The following CELSR1 variants were observed in gnomAD, a reference collection of about 807,000 sequenced individuals.
CELSR1 encodes the protein adhesion G protein-coupled receptor C1.
Under a neutral mutation model 249.1 loss-of-function variants are expected in CELSR1, and 110 were observed. The observed-to-expected ratio is 0.44, with a 90% CI of 0.38 to 0.52. The LOEUF (loss-of-function observed/expected upper bound fraction) is 0.52, where lower values mean the gene tolerates loss of function less well. Ranked by LOEUF, CELSR1 falls within the 20% of genes least tolerant of loss-of-function variation. The probability of loss-of-function intolerance (pLI) is 0.00; values close to 1 mark genes in which losing one functional copy is unlikely to be tolerated. For missense variants in CELSR1, 4,109 were observed against 4,296.4 expected (o/e 0.96, Z 1.22); for synonymous variants, 2,113 against 1,900.0 (o/e 1.11, Z -2.92).
At position 46,380,817 on chromosome 22, in the gene CELSR1, A is replaced by G. The variant is rs1482453909; in HGVS notation, c.7227T>C (p.Pro2409=). The change falls in exon 22 of 35, where the codon CCT becomes CCC. Residue 2409 remains proline (P), a synonymous_variant. Transcript: ENST00000674500. This position sits in a 1 kb window ranked among gnomAD's most constrained non-coding sequence, Gnocchi z 5.1. ...GGGAGTGGTTCCAGAACACGCAGAC[A>G]GGCTTGGTTCGCTCCTCCACCTCCA... ...ALLEVEERTK[P]VCVFWNHSLA... is the part of the protein sequence containing the mutation. 1.2e-6 allele frequency: 2 copies of G among 1,611,982 alleles called. No individual in the cohort carries two copies. The highest frequency in any genetic ancestry group is 2.2e-5 in the East Asian group (1 of 44,880).
At chr22:46,450,554 T>C (rs1156797986) in intron 2 of CELSR1, among the ~76,000 whole-genome samples, 3 of 152,224 alleles carry the variant, frequency 2.0e-5, no homozygotes, top group Non-Finnish European at 4.4e-5. Flanking sequence ...GGGCAGTTAC[T>C]TGTGCTGGGT....
Position 46,534,304 on chromosome 22 carries a change from A to G in CELSR1, c.2867T>C (p.Leu956Pro). The G allele has an allele frequency of 6.2e-7, 1 of 1,613,178 alleles. No homozygotes were observed. The highest frequency in any genetic ancestry group is 8.5e-7 in the Non-Finnish European group (1 of 1,180,010). ...GTACACGGCCACATTCTCCCGGTCC[A>G]GCCGGCGCTGGGTGCGAATCACACC... ...TSGVIRTQRR[L>P]DRENVAVYNL... Residue 956 changes from leucine (L) to proline (P), a missense_variant, in exon 1 of 35, where the codon CTG (leucine) becomes CCG (proline). By Grantham distance (98) the Leu-to-Pro change is moderately conservative (BLOSUM62 -3). Coordinates refer to ENST00000674500, the MANE Select transcript of CELSR1 (RefSeq NM_001378328.1). This position sits in a 1 kb window ranked among gnomAD's most constrained non-coding sequence, Gnocchi z 9.7.
At chr22:46,469,136 G>A (rs1041254532) in intron 1 of CELSR1, among the ~76,000 whole-genome samples, 22 of 152,126 alleles carry the variant, frequency 1.4e-4, no homozygotes, top group African/African-American at 5.1e-4. Flanking sequence ...TTGGCCATGT[G>A]CTGAACACCC....
intron 24 of CELSR1, among the ~76,000 whole-genome samples, chr22:46,373,965 G>A (rs1253799991): frequency 6.6e-6 from 1 of 152,208 alleles, no homozygotes; most frequent in Non-Finnish European, 1.5e-5. Context: ...CCCTAAGGGT[G>A]CCCCTGCTGA....
At chr22:46,435,099 C>T (rs1436757727) in intron 4 of CELSR1, among the ~76,000 whole-genome samples, 1 of 151,714 alleles carries the variant, frequency 6.6e-6, no homozygotes, top group Non-Finnish European at 1.5e-5. Flanking sequence ...ACTGGAATAA[C>T]ATGTTTAATG....
At chr22:46,521,971 C>G (rs1320265863) in intron 1 of CELSR1, among the ~76,000 whole-genome samples, 2 of 152,210 alleles carry the variant, frequency 1.3e-5, no homozygotes, top group Non-Finnish European at 2.9e-5. Flanking sequence ...ACCAACAGGG[C>G]AAAAGGGTTC....
rs1292266895 is a variant in CELSR1 at position 46,527,272 on chromosome 22, C to G, written c.3544+6355G>C. The stretch of plus-strand genomic sequence containing the variant: ...TGGCAAAGCCCTCCTCAGCCACCCC[C>G]ATGCTGGAGCAAGCATGATGTCCCC... On this transcript the variant is annotated intron_variant, in intron 1 of 34. Coordinates refer to ENST00000674500, the MANE Select transcript of CELSR1 (RefSeq NM_001378328.1). This position sits in a 1 kb window ranked among gnomAD's most constrained non-coding sequence, Gnocchi z 5.5. 6.6e-6 allele frequency among the ~76,000 whole-genome samples: 1 copy of G among 152,192 alleles called. No individual in the cohort carries two copies. The highest frequency in any genetic ancestry group is 1.5e-5 in the Non-Finnish European group (1 of 68,036).
intron 1 of CELSR1, among the ~76,000 whole-genome samples, chr22:46,486,265 A>G (rs1171294929): frequency 6.6e-6 from 1 of 150,914 alleles, no homozygotes; most frequent in African/African-American, 2.4e-5. Context: ...GTCATGCATC[A>G]AGGCCGGGCA....
At chr22:46,467,664 T>C (rs890548621) in intron 1 of CELSR1, among the ~76,000 whole-genome samples, 1 of 151,568 alleles carries the variant, frequency 6.6e-6, no homozygotes, top group Non-Finnish European at 1.5e-5. Context: ...CTACTAACAA[T>C]ACAAAAAATT....
At position 46,367,224 on chromosome 22, in the gene CELSR1, T is replaced by TC. The variant is rs1433451872; in HGVS notation, c.8080-107dup. The stretch of plus-strand genomic sequence containing the variant: ...TACAGCCTTGAGTGCACACAACATG[T>TC]CCGGCCACACGGCCCAGGACACGGC... On this transcript the variant is annotated intron_variant, in intron 28 of 34. Coordinates refer to ENST00000674500, the MANE Select transcript of CELSR1 (RefSeq NM_001378328.1). 14 of 1,424,338 alleles carry TC rather than the reference T, an allele frequency of 9.8e-6. No individual in the cohort carries two copies. The African/African-American group carries it at 2.0e-4, about 20-fold the overall frequency. 88.2% of individuals were successfully genotyped at this position (1,424,338 alleles called of 1,614,324 possible). A position where few individuals can be genotyped will look rare whatever the true frequency, so the allele number is the denominator to read the frequency against.
chr22:46,363,925 C>T lies in CELSR1; in HGVS notation c.9035+71G>A, dbSNP rs1602015882. 2.1e-6 allele frequency: 3 copies of T among 1,462,990 alleles called. No individual in the cohort carries two copies. Among genetic ancestry groups the T allele is most frequent in the African/African-American group, 1.4e-5 (1 of 69,726 alleles). The allele number at this position is 1,462,990 out of a possible 1,614,324, so 90.6% of individuals were successfully genotyped here. On this transcript the variant is annotated intron_variant, in intron 34 of 34. Transcript: ENST00000674500. This position sits in a 1 kb window ranked among gnomAD's most constrained non-coding sequence, Gnocchi z 4.3. ...GTGGGTGTCAGGTCCCTGACCACTG[C>T]CCCCTCTCTCTCCTGACTCAGGACA... is the stretch of plus-strand genomic sequence containing the variant.
At chr22:46,378,532 G>A in intron 23 of CELSR1, 59 bp downstream of exon 23, 2 of 1,520,628 alleles carry the variant, frequency 1.3e-6, no homozygotes, top group South Asian at 2.4e-5. Flanking sequence ...AGGTTTGGGG[G>A]GGAGGGGCAG....
intron 2 of CELSR1, among the ~76,000 whole-genome samples, chr22:46,459,378 C>T (rs73888508): frequency 0.048 from 7,289 of 152,282 alleles, 555 homozygotes; most frequent in African/African-American, 0.16. Flanking sequence ...AAAGCCCCTC[C>T]GGGGCCACTG....
Position 46,489,760 on chromosome 22 carries a change from T to G in CELSR1, c.3545-25415A>C, listed in dbSNP as rs540194842. ...AAACCCCATCTCTAGCGGGGCGTGGTGGTGCACATCTGTAATCCCAGCTAC... is the reference window on the plus strand; with the variant it reads ...AAACCCCATCTCTAGCGGGGCGTGGGGGTGCACATCTGTAATCCCAGCTAC... On this transcript the variant is annotated intron_variant, in intron 1 of 34. Transcript: ENST00000674500. Among the ~76,000 whole-genome samples, 89 of 151,940 alleles carry G rather than the reference T, an allele frequency of 5.9e-4. No homozygotes were observed. In the South Asian group the frequency reaches 0.017, roughly 29 times the overall value.
chr22:46,469,070 T>C (rs1188241541), intron 1 of CELSR1, among the ~76,000 whole-genome samples: 8 of 152,110 alleles, frequency 5.3e-5, no homozygotes, highest in Non-Finnish European at 1.2e-4. Flanking sequence ...AGAGAGGCTC[T>C]GTCTCCCCTT....
chr22:46,380,000 C>T (rs922089154), intron 22 of CELSR1, among the ~76,000 whole-genome samples: 2 of 152,168 alleles, frequency 1.3e-5, no homozygotes, highest in African/African-American at 4.8e-5. Context: ...AAGGCAAGCT[C>T]CCTGTAACGA....
At position 46,437,514 on chromosome 22, in the gene CELSR1, G is replaced by C. The variant is rs1250118042; in HGVS notation, c.4407-1225C>G. On this transcript the variant is annotated intron_variant, in intron 3 of 34. Coordinates refer to ENST00000674500, the MANE Select transcript of CELSR1 (RefSeq NM_001378328.1). The surrounding 1 kb of genome is among the most constrained non-coding windows in gnomAD (Gnocchi z 4.9). Reference sequence around the variant, plus strand: ...CTCACGCCTGTAATCCCAGCACTTTGGGAGGCCGAGGTGGGTGGATCACCT... The same window carrying C: ...CTCACGCCTGTAATCCCAGCACTTTCGGAGGCCGAGGTGGGTGGATCACCT... Among the ~76,000 whole-genome samples, 1 of 152,166 alleles carries C rather than the reference G, an allele frequency of 6.6e-6. No individual in the cohort carries two copies. Among genetic ancestry groups the C allele is most frequent in the Non-Finnish European group, 1.5e-5 (1 of 68,028 alleles).
chr22:46,390,461 C>T lies in CELSR1; in HGVS notation c.6276G>A (p.Gly2092=). 6.2e-7 allele frequency: 1 copy of T among 1,613,912 alleles called. No homozygotes were observed. Among genetic ancestry groups the T allele is most frequent in the Admixed American group, 1.7e-5 (1 of 59,994 alleles). ...SVGNAVRHCS[G]EKGWLPPELF... is the part of the protein sequence containing the mutation. Reference sequence around the variant, plus strand: ...GCTCTGGGGGCAGCCAGCCCTTCTCCCCGCTGCAGTGTCGGACCGCATTTC... The same window carrying T: ...GCTCTGGGGGCAGCCAGCCCTTCTCTCCGCTGCAGTGTCGGACCGCATTTC... The change falls in exon 17 of 35, where the codon GGG becomes GGA. Residue 2092 remains glycine, a synonymous_variant. Transcript: ENST00000674500. This position sits in a 1 kb window ranked among gnomAD's most constrained non-coding sequence, Gnocchi z 6.3.
intron 32 of CELSR1, 45 bp from the exon 33 acceptor site, chr22:46,364,781 C>T (rs771356514): frequency 1.9e-5 from 30 of 1,559,774 alleles, no homozygotes; most frequent in East Asian, 1.1e-4. Context: ...CACTGCCACT[C>T]GAGCTGCTCC....
Sources: allele counts gnomAD v4.1 joint callset (sites outside exome capture counted in the v4.1 genomes callset), GRCh38; gene constraint gnomAD v4.1.1; non-coding constraint Gnocchi (gnomAD v3.1); transcripts MANE v1.5; gene names NCBI Gene and HGNC (gene_info 2026-07-23, HGNC 2026-07-21).